Variants in TMEM132E observed in about 807,000 individuals in gnomAD.
The protein encoded by TMEM132E is transmembrane protein 132E.
TMEM132E carries 49 observed loss-of-function variants against 78.5 expected under a neutral mutation model. The ratio of observed to expected loss-of-function variants is 0.62; its 90% CI spans 0.50 to 0.79. The LOEUF (loss-of-function observed/expected upper bound fraction) is 0.79. Among genes scored for constraint, TMEM132E ranks in the 30% least tolerant of loss-of-function variants. The pLI is 0.00. For missense variants in TMEM132E, 1,403 were observed against 1,470.9 expected, an observed-to-expected ratio of 0.95 and a Z score of 0.75; for synonymous variants, 715 against 670.6, an observed-to-expected ratio of 1.07 and a Z score of -1.02.
chr17:34,632,953 T>C (rs748614662), intron 6 of TMEM132E, 44 bp downstream of exon 6: 12 of 1,603,646 alleles, frequency 7.5e-6, no homozygotes, highest in African/African-American at 1.3e-5. Context: ...AACTCATGGG[T>C]GGATACAGCC....
At chr17:34,606,478 G>A (rs963139682) in intron 1 of TMEM132E, among the ~76,000 whole-genome samples, 7 of 152,230 alleles carry the variant, frequency 4.6e-5, no homozygotes, top group African/African-American at 1.4e-4. Context: ...GGCCCAGGGA[G>A]GGGAAGAGAC....
chr17:34,581,164 T>A (rs750533580), intron 1 of TMEM132E, 21 bp downstream of exon 1: 1 of 1,498,586 alleles, frequency 6.7e-7, no homozygotes, highest in Non-Finnish European at 8.9e-7. Flanking sequence ...CGGCGCGGAC[T>A]GGGGGTGAGG....
At chr17:34,608,394 C>T (rs1405002616) in intron 1 of TMEM132E, among the ~76,000 whole-genome samples, 1 of 152,224 alleles carries the variant, frequency 6.6e-6, no homozygotes, top group Non-Finnish European at 1.5e-5. Flanking sequence ...GGCTAAGCTG[C>T]AGTGTCCTGT....
At position 34,585,264 on chromosome 17, in the gene TMEM132E, T is replaced by G. The variant is rs565523802; in HGVS notation, c.67+4121T>G. Among the ~76,000 whole-genome samples, 4 of 152,324 alleles carry G rather than the reference T, an allele frequency of 2.6e-5. No homozygotes were observed. In the East Asian group the frequency reaches 7.7e-4, roughly 29 times the overall value. ...TTCGCTGTGGGAGATAAGGCCACTG[T>G]GGAATACCAGAGCTGGACTTGGGTG... On this transcript the variant is annotated intron_variant, in intron 1 of 8. Transcript: ENST00000631683.
Position 34,634,883 on chromosome 17 carries a change from G to A in TMEM132E, c.1773G>A (p.Gln591=), listed in dbSNP as rs1353636655. ...SASRGCTLQY[Q]HATLQVFTQF... ...GCCGTGGCTGCACCCTGCAGTACCA[G>A]CATGCCACCCTGCAGGTCTTCACCC... is the stretch of plus-strand genomic sequence containing the variant. The change falls in exon 7 of 9, where the codon CAG becomes CAA. Residue 591 remains glutamine, a synonymous_variant. Coordinates refer to ENST00000631683, the MANE Select transcript of TMEM132E (RefSeq NM_001304438.2). 1.2e-6 allele frequency: 2 copies of A among 1,614,050 alleles called. No homozygotes were observed. The highest frequency in any genetic ancestry group is 1.7e-6 in the Non-Finnish European group (2 of 1,180,044).
chr17:34,617,080 G>A (rs771636216), intron 1 of TMEM132E, among the ~76,000 whole-genome samples: 26 of 152,232 alleles, frequency 1.7e-4, no homozygotes, highest in Non-Finnish European at 3.5e-4. Flanking sequence ...CCGGGCCCAA[G>A]TCATCACCTC....
Position 34,636,043 on chromosome 17 carries a change from A to G in TMEM132E, c.2014A>G (p.Thr672Ala). The G allele has an allele frequency of 6.4e-7, 1 of 1,552,770 alleles. No homozygotes were observed. Among genetic ancestry groups the G allele is most frequent in the Non-Finnish European group, 8.7e-7 (1 of 1,151,906 alleles). ...GCTGACGGAGGCTGTGCTCGGGGAG[A>G]CGCTGCTGACGGTGACTGAGGAGAA... Reference protein sequence around the residue: ...SPLTEAVLGETLLTVTEEKVS... With the variant: ...SPLTEAVLGEALLTVTEEKVS... The change falls in exon 8 of 9, where the codon ACG becomes GCG. Residue 672 changes from threonine to alanine, a missense_variant. Around this residue, in one of 3 missense-constraint regions of TMEM132E, gnomAD observed 888 missense variants for 952.8 expected, o/e 0.93. Transcript: ENST00000631683.
chr17:34,630,812 C>A (rs1381598392), intron 5 of TMEM132E, among the ~76,000 whole-genome samples: 1 of 152,190 alleles, frequency 6.6e-6, no homozygotes, highest in Non-Finnish European at 1.5e-5. Context: ...TCCCAGGGAC[C>A]TGCTTTGGCC....
intron 1 of TMEM132E, among the ~76,000 whole-genome samples, chr17:34,622,473 G>A (rs748774731): frequency 4.6e-5 from 7 of 152,186 alleles, no homozygotes; most frequent in African/African-American, 9.7e-5. Context: ...TCAGCTTTCC[G>A]GCTCCCTCTT....
intron 1 of TMEM132E, among the ~76,000 whole-genome samples, chr17:34,618,249 T>A (rs1906844585): frequency 6.6e-6 from 1 of 152,212 alleles, no homozygotes; most frequent in Non-Finnish European, 1.5e-5. Flanking sequence ...TTTGTTTGTT[T>A]GTTTTAGAGA....
intron 1 of TMEM132E, among the ~76,000 whole-genome samples, chr17:34,594,329 G>A (rs1383932659): frequency 1.3e-5 from 2 of 152,188 alleles, no homozygotes; most frequent in Non-Finnish European, 2.9e-5. Context: ...AGACTGGGTG[G>A]CATGATTGGC....
At chr17:34,589,160 G>A (rs1226289960) in intron 1 of TMEM132E, among the ~76,000 whole-genome samples, 1 of 152,218 alleles carries the variant, frequency 6.6e-6, no homozygotes, top group East Asian at 1.9e-4. Flanking sequence ...ATGTCCTTTG[G>A]CAAAGACGTT....
chr17:34,594,244 G>A (rs1357105100), intron 1 of TMEM132E, among the ~76,000 whole-genome samples: 2 of 152,334 alleles, frequency 1.3e-5, no homozygotes, highest in East Asian at 3.9e-4. Context: ...TGATCTGCGG[G>A]ATGAATGAAT....
At chr17:34,603,826 G>A (rs973652411) in intron 1 of TMEM132E, among the ~76,000 whole-genome samples, 4 of 152,186 alleles carry the variant, frequency 2.6e-5, no homozygotes, top group African/African-American at 9.7e-5. Context: ...TGTCCCAGCT[G>A]CAGCTGACCA....
chr17:34,587,456 G>A lies in TMEM132E; in HGVS notation c.67+6313G>A, dbSNP rs1195667896. On this transcript the variant is annotated intron_variant, in intron 1 of 8. Transcript: ENST00000631683. ...TTCAGAGAGGCCCCAATAAGATGAG[G>A]GAGGCACAGCTCCAGATCTCAGGGG... Among the ~76,000 whole-genome samples the A allele has an allele frequency of 3.9e-5, 6 of 152,252 alleles. No homozygotes were observed. In the East Asian group the frequency reaches 9.6e-4, roughly 24 times the overall value.
chr17:34,594,414 T>C (rs1905985574), intron 1 of TMEM132E, among the ~76,000 whole-genome samples: 1 of 152,216 alleles, frequency 6.6e-6, no homozygotes, highest in Non-Finnish European at 1.5e-5. Flanking sequence ...AGCTGTGTGG[T>C]CTTGGAAATA....
intron 1 of TMEM132E, among the ~76,000 whole-genome samples, chr17:34,599,271 A>T (rs964645605): frequency 1.3e-5 from 2 of 152,242 alleles, no homozygotes; most frequent in African/African-American, 4.8e-5. Flanking sequence ...ATTAGGATGC[A>T]TTCTAGAAAC....
intron 1 of TMEM132E, among the ~76,000 whole-genome samples, chr17:34,621,416 AG>A (rs1248539547): frequency 1.3e-5 from 2 of 152,150 alleles, no homozygotes; most frequent in African/African-American, 4.8e-5. Context: ...ATATTGGATT[AG>A]GGCCCACCCT....
At chr17:34,635,495 T>A (rs1279674905) in intron 7 of TMEM132E, among the ~76,000 whole-genome samples, 10 of 152,244 alleles carry the variant, frequency 6.6e-5, no homozygotes, top group Non-Finnish European at 2.9e-5. Context: ...TGGGCTAGAA[T>A]CTGCCTGCAG....
Sources: allele counts gnomAD v4.1 joint callset (sites outside exome capture counted in the v4.1 genomes callset), GRCh38; gene constraint gnomAD v4.1.1; regional missense constraint gnomAD v4.1.1; transcripts MANE v1.5; gene names NCBI Gene and HGNC (gene_info 2026-07-23, HGNC 2026-07-21).